SUCLG2: variants seen among roughly 807,000 people sequenced by gnomAD.
The protein encoded by SUCLG2 is succinate-CoA ligase GDP-forming subunit beta.
Under a neutral mutation model 47.9 loss-of-function variants are expected in SUCLG2, and 42 were observed. The ratio of observed to expected loss-of-function variants is 0.88; its 90% confidence interval spans 0.69 to 1.14. The LOEUF (loss-of-function observed/expected upper bound fraction) is 1.14, where lower values mean the gene tolerates loss of function less well. Among genes scored for constraint, SUCLG2 ranks in the 50% most tolerant of loss-of-function variants. The pLI, the probability that SUCLG2 is intolerant of heterozygous loss-of-function variation, is 0.00. For synonymous variants in SUCLG2, 195 were observed against 197.3 expected, an observed-to-expected ratio of 0.99 and a Z score of 0.10; for missense variants, 571 against 525.9, an observed-to-expected ratio of 1.09 and a Z score of -0.84.
rs373371245 is a variant in SUCLG2 at position 67,477,005 on chromosome 3, G to A, written c.1062+18793C>T. ...GGAGGTCTCTGGAGCCAGAATAACC[G>A]TTATCTATTACCCCCTGAACAACTG... is the stretch of plus-strand genomic sequence containing the variant. On this transcript the variant is annotated intron_variant, in intron 9 of 10. Transcript: ENST00000307227. Among the ~76,000 whole-genome samples the A allele has an allele frequency of 1.2e-4, 19 of 152,190 alleles. No homozygotes were observed. In the South Asian group the frequency reaches 2.7e-3, roughly 22 times the overall value.
At chr3:67,439,871 A>C (rs190531770) in intron 9 of SUCLG2, among the ~76,000 whole-genome samples, 2 of 152,336 alleles carry the variant, frequency 1.3e-5, no homozygotes, top group East Asian at 3.9e-4. Flanking sequence ...ACAGAATTAG[A>C]AAAATCTACT....
At chr3:67,529,909 G>A (rs1706355859) in intron 2 of SUCLG2, among the ~76,000 whole-genome samples, 1 of 152,204 alleles carries the variant, frequency 6.6e-6, no homozygotes, top group Non-Finnish European at 1.5e-5. Flanking sequence ...GAAGTTGGGT[G>A]CATGAAGTAG....
At chr3:67,552,881 C>A (rs1385006596) in intron 2 of SUCLG2, among the ~76,000 whole-genome samples, 1 of 152,198 alleles carries the variant, frequency 6.6e-6, no homozygotes, top group Non-Finnish European at 1.5e-5. Flanking sequence ...TTTCAGCAGT[C>A]TCATCATCTT....
At chr3:67,420,077 C>A (rs1703121096) in intron 9 of SUCLG2, among the ~76,000 whole-genome samples, 1 of 152,098 alleles carries the variant, frequency 6.6e-6, no homozygotes, top group Non-Finnish European at 1.5e-5. Flanking sequence ...ATTATGGTTA[C>A]ACAGAAACCA....
intron 2 of SUCLG2, among the ~76,000 whole-genome samples, chr3:67,549,069 T>C (rs1340827665): frequency 6.6e-6 from 1 of 152,230 alleles, no homozygotes; most frequent in Non-Finnish European, 1.5e-5. Flanking sequence ...AAGTTTTTTA[T>C]AGTAATGATG....
chr3:67,640,618 A>G (rs1701085806), intron 1 of SUCLG2, among the ~76,000 whole-genome samples: 1 of 152,150 alleles, frequency 6.6e-6, no homozygotes, highest in Admixed American at 6.5e-5. Flanking sequence ...TGAGCATTCC[A>G]TGGAATATTA....
At chr3:67,446,586 CGCCTG>C (rs1265991702) in intron 9 of SUCLG2, among the ~76,000 whole-genome samples, 1 of 150,586 alleles carries the variant, frequency 6.6e-6, no homozygotes, top group African/African-American at 2.5e-5. Context: ...CCTGCCACCA[CGCCTG>C]GCTAATTTCT....
Position 67,375,634 on chromosome 3 carries a change from TC to T in SUCLG2, c.*109del, listed in dbSNP as rs1260149618. ...TAAGATTTTTCAGTGATTCTTGCCT[TC>T]CCCCTCCCCTTTTCTTCCCCAATGA... is the stretch of plus-strand genomic sequence containing the variant. On this transcript the variant is annotated 3_prime_UTR_variant, in exon 11 of 11. Coordinates refer to ENST00000307227, the MANE Select transcript of SUCLG2 (RefSeq NM_003848.4). 6.6e-5 allele frequency: 96 copies of T among 1,447,932 alleles called. No individual in the cohort carries two copies. The highest frequency in any genetic ancestry group is 8.6e-5 in the Non-Finnish European group (95 of 1,099,706). 89.7% of individuals were successfully genotyped at this position (1,447,932 alleles called of 1,614,324 possible). A position where few individuals can be genotyped will look rare whatever the true frequency, so the allele number is the denominator to read the frequency against.
chr3:67,512,474 C>T (rs1198914794), intron 6 of SUCLG2, among the ~76,000 whole-genome samples: 1 of 150,868 alleles, frequency 6.6e-6, no homozygotes, highest in African/African-American at 2.5e-5. Context: ...GATACAACCT[C>T]TGCAGAGTCA....
At chr3:67,487,330 G>C (rs1400277573) in intron 9 of SUCLG2, among the ~76,000 whole-genome samples, 1 of 152,260 alleles carries the variant, frequency 6.6e-6, no homozygotes, top group Non-Finnish European at 1.5e-5. Flanking sequence ...TAACATGCAT[G>C]AGGTGATCTC....
rs554044575 is a variant in SUCLG2 at position 67,568,743 on chromosome 3, C to T, written c.227-39557G>A. On this transcript the variant is annotated intron_variant, in intron 2 of 10. Transcript: ENST00000307227. ...TCTACTAAAAATACAAAAAATTAGC[C>T]GGGCGTGGTAGCGGGCGCCTGTAGT... is the stretch of plus-strand genomic sequence containing the variant. Among the ~76,000 whole-genome samples the T allele has an allele frequency of 6.2e-4, 94 of 152,152 alleles. 2 individuals carry two copies. The South Asian group carries it at 0.015, about 24-fold the overall frequency.
At chr3:67,427,935 G>C (rs774749349) in intron 9 of SUCLG2, among the ~76,000 whole-genome samples, 1 of 152,240 alleles carries the variant, frequency 6.6e-6, no homozygotes, top group Non-Finnish European at 1.5e-5. Context: ...CACCATTGCT[G>C]AGGCTTGAGT....
At chr3:67,564,528 C>T (rs1707400661) in intron 2 of SUCLG2, among the ~76,000 whole-genome samples, 1 of 152,242 alleles carries the variant, frequency 6.6e-6, no homozygotes, top group Admixed American at 6.5e-5. Flanking sequence ...ATAAAATCCT[C>T]TCCTGCAGGT....
chr3:67,465,844 T>C (rs962309015), intron 9 of SUCLG2, among the ~76,000 whole-genome samples: 3 of 152,070 alleles, frequency 2.0e-5, no homozygotes, highest in Non-Finnish European at 4.4e-5. Context: ...CAGAAAATTA[T>C]CTAGTGTGGC....
intron 9 of SUCLG2, among the ~76,000 whole-genome samples, chr3:67,478,895 A>C (rs1704838086): frequency 6.6e-6 from 1 of 152,220 alleles, no homozygotes; most frequent in Non-Finnish European, 1.5e-5. Flanking sequence ...TTCAAAGTTA[A>C]TGATGATAGT....
intron 10 of SUCLG2, among the ~76,000 whole-genome samples, chr3:67,367,271 T>A (rs550008895): frequency 1.2e-3 from 187 of 152,244 alleles, no homozygotes; most frequent in Non-Finnish European, 2.2e-3. Flanking sequence ...ATTTACCATA[T>A]TTTTTTGCAG....
At chr3:67,433,073 T>C (rs1703527590) in intron 9 of SUCLG2, among the ~76,000 whole-genome samples, 1 of 152,046 alleles carries the variant, frequency 6.6e-6, no homozygotes, top group African/African-American at 2.4e-5. Flanking sequence ...GGGGAAAGGG[T>C]GTCTATTATT....
chr3:67,597,875 T>A (rs1708329584), intron 2 of SUCLG2, among the ~76,000 whole-genome samples: 1 of 149,370 alleles, frequency 6.7e-6, no homozygotes, highest in Non-Finnish European at 1.5e-5. Context: ...GAGGCAGAGG[T>A]TGCAGTCAGC....
intron 2 of SUCLG2, among the ~76,000 whole-genome samples, chr3:67,568,363 A>T (rs895581427): frequency 6.6e-6 from 1 of 152,232 alleles, no homozygotes. Context: ...AATAAATAAA[A>T]GACTAAAAAG....
Sources: gnomAD v4.1 joint callset for allele counts (sites outside exome capture counted in the v4.1 genomes callset) on GRCh38, gnomAD v4.1.1 for gene constraint, MANE v1.5 for transcripts, NCBI Gene and HGNC (gene_info 2026-07-23, HGNC 2026-07-21) for gene names.